CDKN2A: variants seen among roughly 807,000 people sequenced by gnomAD.
CDKN2A encodes the protein cyclin dependent kinase inhibitor 2A, also known as cyclin-dependent kinase inhibitor 2A.
CDKN2A carries 3 observed loss-of-function variants against 11.1 expected under a neutral mutation model. The observed-to-expected ratio is 0.27, with a 90% CI of 0.12 to 0.70. CDKN2A has a LOEUF of 0.70. Ranked by LOEUF, CDKN2A falls within the 30% of genes least tolerant of loss-of-function variation. The pLI is 0.77. For synonymous variants in CDKN2A, 122 were observed against 108.1 expected, an observed-to-expected ratio of 1.13 and a Z score of -0.80; for missense variants, 265 against 233.6, an observed-to-expected ratio of 1.13 and a Z score of -0.88.
intron 2 of CDKN2A, chr9:21,989,348 GCTA>G (rs1267572186): frequency 2.0e-5 from 3 of 152,124 alleles, no homozygotes; most frequent in East Asian, 3.8e-4. Flanking sequence ...TGTTTTAATA[GCTA>G]CTTACTTTTT....
Position 21,994,110 on chromosome 9 carries a change from G to A in CDKN2A, c.-175-57C>T, listed in dbSNP as rs750671166. On this transcript the variant is annotated intron_variant, in intron 1 of 3. Transcript: ENST00000494262. ...ACCAAACAAAACAAGTGCCGAATGC[G>A]CCCCGGACTTTTCGAGGGCCTTTCC... The A allele has an allele frequency of 6.3e-6, 10 of 1,594,286 alleles. No homozygotes were observed. The Admixed American group carries it at 6.7e-5, about 11-fold the overall frequency.
chr9:21,992,857 G>A (rs1442636118), intron 2 of CDKN2A, among the ~76,000 whole-genome samples: 1 of 151,664 alleles, frequency 6.6e-6, no homozygotes, highest in East Asian at 1.9e-4. Context: ...CAACAACCAG[G>A]GTCTTGTCAA....
Position 21,994,562 on chromosome 9 carries a change from A to G in CDKN2A, c.-176+259T>C, listed in dbSNP as rs1295603119. 8.2e-6 allele frequency: 9 copies of G among 1,092,168 alleles called. No individual in the cohort carries two copies. In the African/African-American group the frequency reaches 1.6e-4, roughly 19 times the overall value. The allele number at this position is 1,092,168 out of a possible 1,614,324, so 67.7% of individuals were successfully genotyped here. A position where few individuals can be genotyped will look rare whatever the true frequency, so the allele number is the denominator to read the frequency against. On this transcript the variant is annotated intron_variant, in intron 1 of 3. Coordinates refer to the CDKN2A transcript ENST00000494262. ...CCACCCGGACCTCCAAGATCTCGGAACGGCTCTGAGCCCTGCGCACGCGGG... is the reference window on the plus strand; with the variant it reads ...CCACCCGGACCTCCAAGATCTCGGAGCGGCTCTGAGCCCTGCGCACGCGGG...
chr9:21,986,719 A>G (rs1479780783), intron 2 of CDKN2A, among the ~76,000 whole-genome samples: 4 of 152,128 alleles, frequency 2.6e-5, no homozygotes, highest in Non-Finnish European at 5.9e-5. Flanking sequence ...GAAGAAAACA[A>G]TAACTTTACC....
chr9:21,976,508 G>A (rs1448165417), upstream of CDKN2A, among the ~76,000 whole-genome samples: 1 of 152,134 alleles, frequency 6.6e-6, no homozygotes, highest in African/African-American at 2.4e-5. Flanking sequence ...CTGAGGCCAG[G>A]AGTTCGAGAC....
intron 2 of CDKN2A, among the ~76,000 whole-genome samples, chr9:21,970,017 G>C (rs545113913): frequency 1.4e-4 from 21 of 152,004 alleles, no homozygotes; most frequent in Non-Finnish European, 2.5e-4. Context: ...TCAAGGTCAT[G>C]TTTTACCTTA....
At chr9:21,970,094 C>T in intron 2 of CDKN2A, 1 of 283,404 alleles carries the variant, frequency 3.5e-6, no homozygotes, top group Non-Finnish European at 6.5e-6. Flanking sequence ...AATGTTCCTC[C>T]CCCCAGAAAC....
Position 21,968,069 on chromosome 9 carries a change from A to G in CDKN2A, c.*160T>C, listed in dbSNP as rs1208019343. On this transcript the variant is annotated 3_prime_UTR_variant, in exon 3 of 3. Transcript: ENST00000304494. The surrounding 1 kb of genome is among the most constrained non-coding windows in gnomAD (Gnocchi z 4.7). Reference sequence around the variant, plus strand: ...CATTTACGGTAGTGGGGGAAGGCATATATCTACGTTAAAAGGCAGGACATT... The same window carrying G: ...CATTTACGGTAGTGGGGGAAGGCATGTATCTACGTTAAAAGGCAGGACATT... 7.1e-6 allele frequency: 5 copies of G among 706,124 alleles called. No homozygotes were observed. The highest frequency in any genetic ancestry group is 4.7e-5 in the South Asian group (3 of 63,738). 43.7% of individuals were successfully genotyped at this position (706,124 alleles called of 1,614,324 possible).
In CDKN2A at chr9:21,974,670, C is replaced by T. The variant is rs1419306566; in HGVS notation, c.150+8G>A. Reference sequence around the variant, plus strand: ...ATCCCCTGCTCCCGCTGCAGACCCTCTACCCACCTGGATCGGCCTCCGACC... The same window carrying T: ...ATCCCCTGCTCCCGCTGCAGACCCTTTACCCACCTGGATCGGCCTCCGACC... On this transcript the variant is annotated splice_region_variant and intron_variant, in intron 1 of 2. Coordinates refer to ENST00000304494, the MANE Select transcript of CDKN2A (RefSeq NM_000077.5). The surrounding 1 kb of genome is among the most constrained non-coding windows in gnomAD (Gnocchi z 5.2). 1.2e-6 allele frequency: 2 copies of T among 1,614,162 alleles called. No homozygotes were observed. The highest frequency in any genetic ancestry group is 2.2e-5 in the East Asian group (1 of 44,876).
exon 2 of CDKN2A, chr9:21,993,970 C>G (rs1820513471): frequency 1.3e-6 from 1 of 746,146 alleles, no homozygotes; most frequent in Admixed American, 2.1e-5. Context: ...TTCAATGGTA[C>G]TGCGAGAACC....
intron 2 of CDKN2A, among the ~76,000 whole-genome samples, chr9:21,987,105 C>A (rs986152242): frequency 1.3e-5 from 2 of 151,944 alleles, no homozygotes; most frequent in Admixed American, 1.3e-4. Context: ...ATTTGAAAGG[C>A]ATGATATTTT....
At position 21,988,748 on chromosome 9, in the gene CDKN2A, C is replaced by T. The variant is rs1261940858; in HGVS notation, c.-4+5134G>A. ...TAACCTGCACATGTGCCCTCTCCTCCTAAATAAAAGTTGAAAAAAAATCTA... is the reference window on the plus strand; with the variant it reads ...TAACCTGCACATGTGCCCTCTCCTCTTAAATAAAAGTTGAAAAAAAATCTA... On this transcript the variant is annotated intron_variant, in intron 2 of 3. Transcript: ENST00000494262. This position sits in a 1 kb window ranked among gnomAD's most constrained non-coding sequence, Gnocchi z 4.1. Among the ~76,000 whole-genome samples, 1 of 151,998 alleles carries T rather than the reference C, an allele frequency of 6.6e-6. No individual in the cohort carries two copies. Among genetic ancestry groups the T allele is most frequent in the East Asian group, 1.9e-4 (1 of 5,192 alleles).
At chr9:21,984,247 C>A (rs576295726) in intron 2 of CDKN2A, among the ~76,000 whole-genome samples, 1 of 152,016 alleles carries the variant, frequency 6.6e-6, no homozygotes, top group South Asian at 2.1e-4. Context: ...AAAACAGCTT[C>A]TTTGTAACAA....
In CDKN2A at chr9:21,991,847, A is replaced by T; in HGVS notation, c.-4+2035T>A. The T allele has an allele frequency of 3.0e-6, 3 of 985,300 alleles. No homozygotes were observed. Among genetic ancestry groups the T allele is most frequent in the Non-Finnish European group, 3.6e-6 (3 of 829,772 alleles). The allele number at this position is 985,300 out of a possible 1,614,324, so 61.0% of individuals were successfully genotyped here. On this transcript the variant is annotated intron_variant, in intron 2 of 3. Transcript: ENST00000494262. This position sits in a 1 kb window ranked among gnomAD's most constrained non-coding sequence, Gnocchi z 5.2. Reference sequence around the variant, plus strand: ...ACAATACAAACTGTGAATCATGTACACATGGGGAATAATGGTTTATACTAA... The same window carrying T: ...ACAATACAAACTGTGAATCATGTACTCATGGGGAATAATGGTTTATACTAA...
chr9:21,991,555 A>T lies in CDKN2A; in HGVS notation c.-4+2327T>A, dbSNP rs1210902259. ...ACTGGGCCCACTGTTGAACCTTGCT[A>T]TAAAAAAGTATTTTTGATACCATTT... On this transcript the variant is annotated intron_variant, in intron 2 of 3. Transcript: ENST00000494262. The surrounding 1 kb of genome is among the most constrained non-coding windows in gnomAD (Gnocchi z 5.2). 1 of 687,798 alleles carries T rather than the reference A, an allele frequency of 1.5e-6. No homozygotes were observed. Among genetic ancestry groups the T allele is most frequent in the Non-Finnish European group, 1.8e-6 (1 of 558,382 alleles). The allele number at this position is 687,798 out of a possible 1,614,324, so 42.6% of individuals were successfully genotyped here.
In CDKN2A at chr9:21,991,950, C is replaced by T. The variant is rs769656206; in HGVS notation, c.-4+1932G>A. Reference sequence around the variant, plus strand: ...CTGAGCCTTCTGAAGTAGCTATAAACAAATGAATATTTAACTTCATAATAA... The same window carrying T: ...CTGAGCCTTCTGAAGTAGCTATAAATAAATGAATATTTAACTTCATAATAA... On this transcript the variant is annotated intron_variant, in intron 2 of 3. Transcript: ENST00000494262. This position sits in a 1 kb window ranked among gnomAD's most constrained non-coding sequence, Gnocchi z 5.2. 1 of 982,760 alleles carries T rather than the reference C, an allele frequency of 1.0e-6. No individual in the cohort carries two copies. 60.9% of individuals were successfully genotyped at this position (982,760 alleles called of 1,614,324 possible).
chr9:21,968,555 G>T lies in CDKN2A; in HGVS notation c.458-313C>A. 1 of 1,456,908 alleles carries T rather than the reference G, an allele frequency of 6.9e-7. No homozygotes were observed. The highest frequency in any genetic ancestry group is 9.0e-7 in the Non-Finnish European group (1 of 1,112,320). 90.2% of individuals were successfully genotyped at this position (1,456,908 alleles called of 1,614,324 possible). On this transcript the variant is annotated intron_variant, in intron 2 of 2. Coordinates refer to ENST00000304494, the MANE Select transcript of CDKN2A (RefSeq NM_000077.5). This position sits in a 1 kb window ranked among gnomAD's most constrained non-coding sequence, Gnocchi z 4.7. ...AAGAAGAAAACGAGTGTTATATAAT[G>T]AGTCTCAGTGGTTGCTCACAATGCC...
upstream of CDKN2A, among the ~76,000 whole-genome samples, chr9:21,978,280 T>TA (rs549158739): frequency 6.6e-6 from 1 of 151,722 alleles, no homozygotes; most frequent in South Asian, 2.1e-4. Context: ...ATAATAAAAT[T>TA]AAAAAAATAT....
chr9:21,980,914 G>A (rs1311954621), intron 2 of CDKN2A, among the ~76,000 whole-genome samples: 2 of 138,744 alleles, frequency 1.4e-5, no homozygotes, highest in Non-Finnish European at 1.5e-5. Context: ...AGCCGAGATC[G>A]CGCCACTGCA....
Sources: gnomAD v4.1 joint callset for allele counts (sites outside exome capture counted in the v4.1 genomes callset) on GRCh38, gnomAD v4.1.1 for gene constraint, Gnocchi (gnomAD v3.1) non-coding constraint, MANE v1.5 for transcripts, NCBI Gene and HGNC (gene_info 2026-07-23, HGNC 2026-07-21) for gene names.